Variants in THSD4 observed in about 807,000 individuals in gnomAD.
THSD4 encodes the protein thrombospondin type 1 domain containing 4.
In THSD4, 69 loss-of-function variants were observed where a neutral mutation model predicts 119.0. The observed-to-expected ratio is 0.58, with a 90% CI of 0.48 to 0.71. The LOEUF (loss-of-function observed/expected upper bound fraction) is 0.71, where lower values mean the gene tolerates loss of function less well. Ranked by LOEUF, THSD4 falls within the 30% of genes least tolerant of loss-of-function variation. The pLI, the probability that THSD4 is intolerant of heterozygous loss-of-function variation, is 0.00. For missense variants in THSD4, 1,393 were observed against 1,391.1 expected (o/e 1.00, Z -0.02); for synonymous variants, 524 against 540.4 (o/e 0.97, Z 0.42).
Position 71,731,124 on chromosome 15 carries a change from A to G in THSD4, c.1537A>G (p.Ile513Val). Residue 513 changes from isoleucine (I) to valine (V), a missense_variant, in exon 10 of 18, where the codon ATA becomes GTA. By Grantham distance (29) the Ile-to-Val change is conservative. Coordinates refer to ENST00000261862, the MANE Select transcript of THSD4 (RefSeq NM_024817.3). Reference protein sequence around the residue: ...PTNEILDVYMIHQQPNPGVHY... With the variant: ...PTNEILDVYMVHQQPNPGVHY... Reference sequence around the variant, plus strand: ...ACACTGATTTTTGTGTCAGCAGATGATACACCAGCAGCCAAACCCAGGCGT... The same window carrying G: ...ACACTGATTTTTGTGTCAGCAGATGGTACACCAGCAGCCAAACCCAGGCGT... The G allele has an allele frequency of 1.2e-6, 2 of 1,614,118 alleles. No homozygotes were observed. Among genetic ancestry groups the G allele is most frequent in the Non-Finnish European group, 8.5e-7 (1 of 1,180,004 alleles).
intron 8 of THSD4, among the ~76,000 whole-genome samples, chr15:71,719,828 A>G (rs1242962730): frequency 6.6e-6 from 1 of 151,936 alleles, no homozygotes; most frequent in East Asian, 1.9e-4. Context: ...GGTGTGTACC[A>G]CCACACTTGG....
At chr15:71,390,191 A>G (rs1184281070) in intron 6 of THSD4, among the ~76,000 whole-genome samples, 1 of 152,198 alleles carries the variant, frequency 6.6e-6, no homozygotes, top group African/African-American at 2.4e-5. Context: ...ATTGGCCTTT[A>G]TATATACCTA....
intron 7 of THSD4, among the ~76,000 whole-genome samples, chr15:71,522,469 G>A (rs2048456616): frequency 2.0e-5 from 3 of 152,182 alleles, no homozygotes; most frequent in Admixed American, 2.0e-4. Flanking sequence ...GAGTGGGGAT[G>A]AGGGAGGTCC....
chr15:71,180,171 TA>T (rs61126896), intron 3 of THSD4, among the ~76,000 whole-genome samples: 30,734 of 141,124 alleles, frequency 0.22, 3,213 homozygotes, highest in African/African-American at 0.25. Context: ...AAAAAAAAAA[TA>T]AAAAAAAAAA....
chr15:71,474,226 A>T (rs1213532726), intron 7 of THSD4, among the ~76,000 whole-genome samples: 11 of 148,670 alleles, frequency 7.4e-5, no homozygotes, highest in Middle Eastern at 3.4e-3. Context: ...ATTTTATTTT[A>T]TTTTTTTTTT....
At chr15:71,299,086 A>G (rs1363521639) in intron 6 of THSD4, among the ~76,000 whole-genome samples, 2 of 152,194 alleles carry the variant, frequency 1.3e-5, no homozygotes, top group Non-Finnish European at 2.9e-5. Context: ...AGGAACAATA[A>G]CCACATAGCA....
chr15:71,716,874 A>G (rs1463783226), intron 8 of THSD4, among the ~76,000 whole-genome samples: 1 of 152,118 alleles, frequency 6.6e-6, no homozygotes, highest in Non-Finnish European at 1.5e-5. Context: ...GAATCCTAAT[A>G]TTTAACTCCA....
intron 6 of THSD4, among the ~76,000 whole-genome samples, chr15:71,268,262 G>C (rs1317064496): frequency 1.3e-5 from 2 of 152,146 alleles, no homozygotes; most frequent in African/African-American, 2.4e-5. Flanking sequence ...CAGTCTCTCA[G>C]ACCACAGTGC....
intron 7 of THSD4, among the ~76,000 whole-genome samples, chr15:71,504,521 A>G (rs552724923): frequency 9.8e-4 from 150 of 152,348 alleles, no homozygotes; most frequent in Middle Eastern, 6.8e-3. Flanking sequence ...GAAGGTGGAG[A>G]AAAGAAGAAA....
chr15:71,584,262 C>CTTTTTTTTTTTTTTTTTTTTTTTTT (rs71154789), intron 7 of THSD4, among the ~76,000 whole-genome samples: 1 of 61,802 alleles, frequency 1.6e-5, no homozygotes, highest in African/African-American at 7.6e-5. Flanking sequence ...TTTTCACTTT[C>CTTTTTTTTTTTTTTTTTTTTTTTTT]TTTTTTTTTT....
intron 8 of THSD4, among the ~76,000 whole-genome samples, chr15:71,721,971 T>G (rs2052731386): frequency 9.1e-6 from 1 of 110,192 alleles, no homozygotes; most frequent in African/African-American, 2.5e-5. Flanking sequence ...AGTGAGTCCC[T>G]GTCTCAAAAA....
At position 71,748,746 on chromosome 15, in the gene THSD4, C is replaced by T. The variant is rs141838924; in HGVS notation, c.2415+152C>T. On this transcript the variant is annotated intron_variant, in intron 14 of 17. Transcript: ENST00000261862. ...CCAGAGAGGAATTATCGTAGGCTTT[C>T]TATCCTTATGTGAGGACTGAGGGTC... 1,188 of 1,032,574 alleles carry T rather than the reference C, an allele frequency of 1.2e-3. 5 individuals are homozygous for T. The highest frequency in any genetic ancestry group is 3.3e-3 in the Middle Eastern group (10 of 3,072). The allele number at this position is 1,032,574 out of a possible 1,614,324, so 64.0% of individuals were successfully genotyped here.
At chr15:71,721,723 A>G (rs1360541192) in intron 8 of THSD4, among the ~76,000 whole-genome samples, 1 of 151,770 alleles carries the variant, frequency 6.6e-6, no homozygotes, top group African/African-American at 2.4e-5. Context: ...TATGATAATC[A>G]GGGCTTGCAT....
rs545749072 is a variant in THSD4 at position 71,607,635 on chromosome 15, G to A, written c.1153-52895G>A. 2.3e-3 allele frequency among the ~76,000 whole-genome samples: 354 copies of A among 152,334 alleles called. 1 individual carries two copies. Among genetic ancestry groups the A allele is most frequent in the African/African-American group, 8.1e-3 (338 of 41,584 alleles). ...GCCTTACCCAACCCCCAGTCACAAC[G>A]GAGGTGTGGCCTTAGAGCCGTACTG... On this transcript the variant is annotated intron_variant, in intron 7 of 17. Coordinates refer to ENST00000261862, the MANE Select transcript of THSD4 (RefSeq NM_024817.3).
chr15:71,198,838 A>G (rs951052832), intron 3 of THSD4, among the ~76,000 whole-genome samples: 12 of 152,264 alleles, frequency 7.9e-5, no homozygotes, highest in African/African-American at 2.4e-4. Flanking sequence ...ATATAACCCA[A>G]TTATTGCAAG....
chr15:71,559,491 G>C (rs2049076859), intron 7 of THSD4, among the ~76,000 whole-genome samples: 1 of 151,912 alleles, frequency 6.6e-6, no homozygotes, highest in Admixed American at 6.6e-5. Context: ...GCAAAGGAAA[G>C]AGGAAAACAA....
At chr15:71,746,100 G>A (rs2053331072) in intron 12 of THSD4, among the ~76,000 whole-genome samples, 2 of 152,204 alleles carry the variant, frequency 1.3e-5, no homozygotes, top group Non-Finnish European at 2.9e-5. Flanking sequence ...ACTAATAACA[G>A]AGCAGATGAC....
intron 3 of THSD4, among the ~76,000 whole-genome samples, chr15:71,189,636 C>T (rs1289683491): frequency 6.6e-6 from 1 of 151,360 alleles, no homozygotes; most frequent in Non-Finnish European, 1.5e-5. Flanking sequence ...CGCCACTGCA[C>T]TCCAGTCTGG....
chr15:71,397,947 A>G (rs1222718189), intron 6 of THSD4, among the ~76,000 whole-genome samples: 3 of 152,178 alleles, frequency 2.0e-5, no homozygotes, highest in Admixed American at 6.5e-5. Context: ...TCTCTGTGCA[A>G]TATTTTAAGT....
Sources: gnomAD v4.1 joint callset for allele counts (sites outside exome capture counted in the v4.1 genomes callset) on GRCh38, gnomAD v4.1.1 for gene constraint, MANE v1.5 for transcripts, NCBI Gene and HGNC (gene_info 2026-07-23, HGNC 2026-07-21) for gene names.